Variants in SGCZ observed in about 807,000 individuals in gnomAD.
SGCZ encodes zeta-sarcoglycan.
SGCZ carries 40 observed loss-of-function variants against 41.3 expected under a neutral mutation model. That is an observed-to-expected ratio of 0.97 (90% confidence interval 0.75 to 1.26). SGCZ has a LOEUF of 1.26. SGCZ is among the 50% of genes most tolerant of loss of function. SGCZ has a pLI of 0.00. For synonymous variants in SGCZ, 206 were observed against 137.5 expected, an observed-to-expected ratio of 1.50 and a Z score of -3.49; for missense variants, 552 against 369.8, an observed-to-expected ratio of 1.49 and a Z score of -4.04.
At chr8:14,324,356 C>A (rs1802022852) in intron 2 of SGCZ, 152 bp from the exon 3 acceptor site, 1 of 655,752 alleles carries the variant, frequency 1.5e-6, no homozygotes. Context: ...TTAATGTTTG[C>A]AGCCCTTTGC....
chr8:15,222,279 C>T (rs1320984192), intron 1 of SGCZ, among the ~76,000 whole-genome samples: 2 of 152,080 alleles, frequency 1.3e-5, no homozygotes, highest in Non-Finnish European at 2.9e-5. Context: ...GAGAGAATCT[C>T]ACTAGTCCAA....
chr8:14,155,095 G>T (rs1803836877), intron 5 of SGCZ, among the ~76,000 whole-genome samples: 1 of 152,188 alleles, frequency 6.6e-6, no homozygotes, highest in South Asian at 2.1e-4. Context: ...ATCTGTTCCA[G>T]TAACGCACTC....
At chr8:15,141,235 C>T (rs1386337899) in intron 1 of SGCZ, among the ~76,000 whole-genome samples, 1 of 152,170 alleles carries the variant, frequency 6.6e-6, no homozygotes, top group Non-Finnish European at 1.5e-5. Flanking sequence ...CACATAATAC[C>T]AGGGACTGGT....
At chr8:14,309,247 C>T (rs566820381) in intron 3 of SGCZ, 9 of 1,527,220 alleles carry the variant, frequency 5.9e-6, no homozygotes, top group South Asian at 5.6e-5. Context: ...GGGCTCTGTA[C>T]AACCATATCC....
chr8:14,400,817 T>C (rs950285140), intron 2 of SGCZ, among the ~76,000 whole-genome samples: 3 of 152,270 alleles, frequency 2.0e-5, no homozygotes, highest in African/African-American at 2.4e-5. Flanking sequence ...ATTGAATCCA[T>C]AGAGTACTCA....
chr8:14,419,210 C>T lies in SGCZ; in HGVS notation c.235-95006G>A, dbSNP rs556470085. 5.3e-5 allele frequency among the ~76,000 whole-genome samples: 8 copies of T among 151,892 alleles called. No individual in the cohort carries two copies. In the South Asian group the frequency reaches 1.7e-3, roughly 32 times the overall value. On this transcript the variant is annotated intron_variant, in intron 2 of 7. Coordinates refer to ENST00000382080, the MANE Select transcript of SGCZ (RefSeq NM_139167.4). ...ACTCAATTCAGAAGCTAAAAGAAAA[C>T]TGAAAGTTAGGCAAGTTAGCTAATG...
At chr8:14,285,709 G>T (rs542405756) in intron 3 of SGCZ, among the ~76,000 whole-genome samples, 7 of 152,120 alleles carry the variant, frequency 4.6e-5, no homozygotes, top group African/African-American at 1.4e-4. Context: ...AGAAACCAGG[G>T]GAAAGTGGTT....
At chr8:14,474,821 T>A (rs1219376161) in intron 2 of SGCZ, among the ~76,000 whole-genome samples, 1 of 152,148 alleles carries the variant, frequency 6.6e-6, no homozygotes, top group Non-Finnish European at 1.5e-5. Flanking sequence ...AAAGAGATAT[T>A]GGATTTTTTT....
intron 1 of SGCZ, among the ~76,000 whole-genome samples, chr8:15,002,986 G>C (rs1802481429): frequency 6.6e-6 from 1 of 151,646 alleles, no homozygotes; most frequent in Admixed American, 6.6e-5. Context: ...GAGTTCCCCT[G>C]CACGTGCTCT....
intron 1 of SGCZ, among the ~76,000 whole-genome samples, chr8:15,213,639 A>G (rs1801307640): frequency 6.6e-6 from 1 of 151,822 alleles, no homozygotes; most frequent in African/African-American, 2.4e-5. Flanking sequence ...TTATAAATTT[A>G]ATGAAATATA....
At chr8:14,936,767 T>G (rs1312445398) in intron 1 of SGCZ, among the ~76,000 whole-genome samples, 1 of 151,890 alleles carries the variant, frequency 6.6e-6, no homozygotes, top group Admixed American at 6.6e-5. Flanking sequence ...TGTCAGTGTT[T>G]GAAAATGAGA....
chr8:14,400,064 G>A (rs960152959), intron 2 of SGCZ, among the ~76,000 whole-genome samples: 1 of 151,756 alleles, frequency 6.6e-6, no homozygotes, highest in Non-Finnish European at 1.5e-5. Flanking sequence ...TCTACTTTAT[G>A]TCTCTATATA....
chr8:15,215,434 A>G (rs1301367156), intron 1 of SGCZ, among the ~76,000 whole-genome samples: 1 of 152,190 alleles, frequency 6.6e-6, no homozygotes, highest in Non-Finnish European at 1.5e-5. Context: ...GCACTGTTTT[A>G]CTTCCTTCGG....
At chr8:14,732,786 C>T (rs1198443235) in intron 1 of SGCZ, among the ~76,000 whole-genome samples, 2 of 151,956 alleles carry the variant, frequency 1.3e-5, no homozygotes, top group Admixed American at 6.6e-5. Flanking sequence ...AACTACGACC[C>T]GCTTGAAACT....
intron 1 of SGCZ, among the ~76,000 whole-genome samples, chr8:15,096,294 G>A (rs564597862): frequency 6.6e-6 from 1 of 151,622 alleles, no homozygotes. Context: ...CACCATATTG[G>A]CCAGGCTGGT....
intron 1 of SGCZ, among the ~76,000 whole-genome samples, chr8:14,900,408 C>T (rs570955935): frequency 3.3e-5 from 5 of 152,096 alleles, no homozygotes; most frequent in African/African-American, 1.2e-4. Flanking sequence ...ACAGTCAGTT[C>T]TTGGGCAGGA....
intron 1 of SGCZ, among the ~76,000 whole-genome samples, chr8:14,644,439 A>G (rs1315836910): frequency 2.0e-5 from 3 of 151,874 alleles, no homozygotes; most frequent in Non-Finnish European, 2.9e-5. Context: ...CCAAGTTTCC[A>G]GTTACCAAGC....
At chr8:14,554,629 G>T (rs1417158229) in intron 2 of SGCZ, 103 bp downstream of exon 2, 2 of 956,078 alleles carry the variant, frequency 2.1e-6, no homozygotes, top group Non-Finnish European at 3.0e-6. Context: ...ACACACACTT[G>T]TAAATATTGA....
chr8:14,927,005 C>T (rs1799775536), intron 1 of SGCZ, among the ~76,000 whole-genome samples: 1 of 151,766 alleles, frequency 6.6e-6, no homozygotes, highest in South Asian at 2.1e-4. Flanking sequence ...ATATCACATT[C>T]CTATGGACAC....
Sources: gnomAD v4.1 joint callset for allele counts (sites outside exome capture counted in the v4.1 genomes callset) on GRCh38, gnomAD v4.1.1 for gene constraint, MANE v1.5 for transcripts, NCBI Gene and HGNC (gene_info 2026-07-23, HGNC 2026-07-21) for gene names.